PLXNA1: variants seen among roughly 807,000 people sequenced by gnomAD.
PLXNA1 encodes the protein plexin A1.
PLXNA1 carries 77 observed loss-of-function variants against 191.7 expected under a neutral mutation model. The observed-to-expected ratio is 0.40, with a 90% CI of 0.33 to 0.49. The LOEUF is 0.49. Ranked by LOEUF, PLXNA1 falls within the 20% of genes least tolerant of loss-of-function variation. PLXNA1 has a pLI of 0.63. For synonymous variants in PLXNA1, 1,137 were observed against 1,156.4 expected, an observed-to-expected ratio of 0.98 and a Z score of 0.34; for missense variants, 2,110 against 2,660.2, an observed-to-expected ratio of 0.79 and a Z score of 4.55.
chr3:126,985,120 G>A (rs1214301642), intron 1 of PLXNA1, among the ~76,000 whole-genome samples: 1 of 152,194 alleles, frequency 6.6e-6, no homozygotes, highest in Non-Finnish European at 1.5e-5. Flanking sequence ...GACTTGGGGG[G>A]ATTGGACTCT....
At chr3:127,021,298 C>T (rs2079151112) in intron 21 of PLXNA1, among the ~76,000 whole-genome samples, 1 of 152,212 alleles carries the variant, frequency 6.6e-6, no homozygotes, top group Non-Finnish European at 1.5e-5. Flanking sequence ...GTCTGTCACA[C>T]TGTCTCTCTC....
intron 9 of PLXNA1, among the ~76,000 whole-genome samples, chr3:127,010,026 C>CTATT (rs1405038401): frequency 1.3e-5 from 2 of 152,248 alleles, no homozygotes; most frequent in Non-Finnish European, 2.9e-5. Context: ...CTGAGCAAGT[C>CTATT]TATAGACTCC....
chr3:127,032,928 T>A, intron 31 of PLXNA1, 92 bp downstream of exon 31: 3 of 1,362,966 alleles, frequency 2.2e-6, no homozygotes, highest in Non-Finnish European at 2.0e-6. Flanking sequence ...CACTCCTCCC[T>A]GAATCTCTGG....
Position 127,017,613 on chromosome 3 carries a change from C to T in PLXNA1, c.3465C>T (p.Leu1155=), listed in dbSNP as rs757894167. Residue 1155 remains leucine (L), a synonymous_variant, in exon 18 of 32, where the codon CTC becomes CTT. Coordinates refer to ENST00000393409, the MANE Select transcript of PLXNA1 (RefSeq NM_032242.4). ...LYYPDPVLEP[L]SPTGLLELKP... is the part of the protein sequence containing the mutation. ...ACCCTGACCCCGTACTGGAGCCACT[C>T]AGCCCCACTGGCCTGCTGGAGCTGA... is the stretch of plus-strand genomic sequence containing the variant. 2.5e-6 allele frequency: 4 copies of T among 1,613,740 alleles called. No homozygotes were observed. Among genetic ancestry groups the T allele is most frequent in the South Asian group, 1.1e-5 (1 of 91,084 alleles).
chr3:126,992,082 G>A (rs2078993677), intron 3 of PLXNA1, among the ~76,000 whole-genome samples: 1 of 152,228 alleles, frequency 6.6e-6, no homozygotes, highest in South Asian at 2.1e-4. Flanking sequence ...TGCTTGAGGA[G>A]CTCCAGCACA....
At chr3:127,013,919 A>T (rs945742021) in intron 10 of PLXNA1, 101 bp from the exon 11 acceptor site, 2 of 1,028,982 alleles carry the variant, frequency 1.9e-6, no homozygotes, top group African/African-American at 1.6e-5. Flanking sequence ...GGCTGCAGAA[A>T]CTTCCCCCTA....
At chr3:127,004,412 C>G (rs1206330230) in intron 4 of PLXNA1, among the ~76,000 whole-genome samples, 199 bp from the exon 5 acceptor site, 1 of 152,238 alleles carries the variant, frequency 6.6e-6, no homozygotes, top group Admixed American at 6.5e-5. Flanking sequence ...GCTGCTGCCC[C>G]CTGGGTTTCC....
At position 126,989,428 on chromosome 3, in the gene PLXNA1, A is replaced by C; in HGVS notation, c.835A>C (p.Thr279Pro). 1 of 1,613,498 alleles carries C rather than the reference A, an allele frequency of 6.2e-7. No homozygotes were observed. Among genetic ancestry groups the C allele is most frequent in the Non-Finnish European group, 8.5e-7 (1 of 1,180,028 alleles). Reference protein sequence around the residue: ...SPDAAGEHFFTSKIVRLCVDD... With the variant: ...SPDAAGEHFFPSKIVRLCVDD... ...TGATGCCGCCGGCGAGCACTTCTTC[A>C]CGTCCAAGATCGTGCGGCTCTGTGT... Residue 279 changes from threonine to proline, a missense_variant, in exon 2 of 32, where the codon ACG (threonine) becomes CCG (proline). Physicochemically the swap from Thr to Pro is conservative, Grantham distance 38. Coordinates refer to ENST00000393409, the MANE Select transcript of PLXNA1 (RefSeq NM_032242.4).
At chr3:127,012,470 G>A (rs2079100876) in intron 10 of PLXNA1, among the ~76,000 whole-genome samples, 1 of 152,232 alleles carries the variant, frequency 6.6e-6, no homozygotes, top group African/African-American at 2.4e-5. Context: ...CTCGCACATT[G>A]CAGCATCCGT....
At position 127,036,967 on chromosome 3, in the gene PLXNA1, T is replaced by G. The variant is rs1178304574; in HGVS notation, c.*2950T>G. The G allele has an allele frequency of 3.3e-5, 5 of 152,308 alleles. No homozygotes were observed. The highest frequency in any genetic ancestry group is 7.2e-5 in the African/African-American group (3 of 41,472). 9.4% of individuals were successfully genotyped at this position (152,308 alleles called of 1,614,324 possible). ...CCCCAGGACCACTGGCCCCTTGGCCTGAGGGGCTGGGGGCCCCACGACCTG... is the reference window on the plus strand; with the variant it reads ...CCCCAGGACCACTGGCCCCTTGGCCGGAGGGGCTGGGGGCCCCACGACCTG... On this transcript the variant is annotated 3_prime_UTR_variant, in exon 32 of 32. Transcript: ENST00000393409.
chr3:126,985,396 C>T (rs955942481), intron 1 of PLXNA1, among the ~76,000 whole-genome samples: 1 of 152,146 alleles, frequency 6.6e-6, no homozygotes, highest in Admixed American at 6.5e-5. Context: ...TCTGCCTCAG[C>T]CTAGAACAGC....
chr3:127,018,505 G>A lies in PLXNA1; in HGVS notation c.3872G>A (p.Arg1291His), dbSNP rs1345836772. 6.2e-7 allele frequency: 1 copy of A among 1,610,696 alleles called. No homozygotes were observed. ...LQLQMDNLES[R>H]VALECKEAFA... Reference sequence around the variant, plus strand: ...CTCCAGATGGACAACCTGGAGTCCCGCGTGGCCCTCGAATGCAAGGAAGGT... The same window carrying A: ...CTCCAGATGGACAACCTGGAGTCCCACGTGGCCCTCGAATGCAAGGAAGGT... The change falls in exon 20 of 32, where the codon CGC becomes CAC. Residue 1291 changes from arginine to histidine, a missense_variant. Transcript: ENST00000393409.
chr3:127,017,702 G>A (rs369429128), intron 18 of PLXNA1, 38 bp downstream of exon 18: 129 of 1,613,002 alleles, frequency 8.0e-5, no homozygotes, highest in African/African-American at 3.7e-4. Flanking sequence ...CCAAGCCAGG[G>A]AAGAGGCCCC....
chr3:127,001,341 G>A (rs886969018), intron 3 of PLXNA1, among the ~76,000 whole-genome samples: 1 of 151,910 alleles, frequency 6.6e-6, no homozygotes, highest in African/African-American at 2.4e-5. Context: ...TGTTGGGGAG[G>A]TGGGTCATGT....
chr3:127,022,622 G>A (rs2079157353), intron 22 of PLXNA1, 130 bp from the exon 23 acceptor site: 5 of 907,246 alleles, frequency 5.5e-6, no homozygotes, highest in Middle Eastern at 3.0e-4. Flanking sequence ...GGTGCCTTTC[G>A]AGACCTGACC....
intron 3 of PLXNA1, among the ~76,000 whole-genome samples, chr3:126,998,331 G>A (rs1337616204): frequency 6.6e-6 from 1 of 152,154 alleles, no homozygotes; most frequent in Non-Finnish European, 1.5e-5. Flanking sequence ...AGCTGGAGGT[G>A]GCATTGAGGT....
At chr3:126,997,757 A>G (rs2079021030) in intron 3 of PLXNA1, among the ~76,000 whole-genome samples, 1 of 152,188 alleles carries the variant, frequency 6.6e-6, no homozygotes, top group African/African-American at 2.4e-5. Flanking sequence ...GAGGGTGCAT[A>G]AGCATCGCTT....
At chr3:126,983,379 C>A (rs1197545541) in intron 1 of PLXNA1, among the ~76,000 whole-genome samples, 92 bp downstream of exon 1, 1 of 144,436 alleles carries the variant, frequency 6.9e-6, no homozygotes, top group Non-Finnish European at 1.5e-5. Context: ...CGTGGGTGGG[C>A]GCGGGGCGGC....
At position 127,014,025 on chromosome 3, in the gene PLXNA1, CTACGAGGGGAACGA is replaced by C; in HGVS notation, c.2321_2334del (p.Tyr774CysfsTer19). 6.2e-7 allele frequency: 1 copy of C among 1,613,704 alleles called. No individual in the cohort carries two copies. Among genetic ancestry groups the C allele is most frequent in the Non-Finnish European group, 8.5e-7 (1 of 1,179,890 alleles). ...ACGGTGCCATCACCTAACAGTACTC[CTACGAGGGGAACGA>C]TGTCAGCGACCTGCCAGTGAACCTG... On this transcript the variant is annotated frameshift_variant, in exon 11 of 32. Transcript: ENST00000393409. LOFTEE classifies it high-confidence loss of function.
Sources: gnomAD v4.1 joint callset for allele counts (sites outside exome capture counted in the v4.1 genomes callset) on GRCh38, gnomAD v4.1.1 for gene constraint, MANE v1.5 for transcripts, NCBI Gene and HGNC (gene_info 2026-07-23, HGNC 2026-07-21) for gene names.